The following INTS10 variants were observed in gnomAD, a reference collection of about 807,000 sequenced individuals.
INTS10 encodes chromosome 8 open reading frame 35.
In INTS10, 44 loss-of-function variants were observed where a neutral mutation model predicts 94.4. The observed-to-expected ratio is 0.47, with a 90% CI of 0.37 to 0.60. The LOEUF is 0.60. Ranked by LOEUF, INTS10 falls within the 20% of genes least tolerant of loss-of-function variation. The probability of loss-of-function intolerance (pLI) is 0.00; values close to 1 mark genes in which losing one functional copy is unlikely to be tolerated. For synonymous variants in INTS10, 341 were observed against 320.7 expected, an observed-to-expected ratio of 1.06 and a Z score of -0.68; for missense variants, 797 against 868.7, an observed-to-expected ratio of 0.92 and a Z score of 1.04.
chr8:19,817,634 C>A lies in INTS10; in HGVS notation c.97C>A (p.Arg33Ser). 1.2e-6 allele frequency: 2 copies of A among 1,607,410 alleles called. No homozygotes were observed. Among genetic ancestry groups the A allele is most frequent in the Non-Finnish European group, 8.5e-7 (1 of 1,177,694 alleles). ...AGCCAAGGCGTGGCTGATCACGGCC[C>A]GCAGCCTCTACCCGGCAGACTTTAA... is the stretch of plus-strand genomic sequence containing the variant. ...WAAKAWLITA[R>S]SLYPADFNIQ... The change falls in exon 1 of 17, where the codon CGC becomes AGC. Residue 33 changes from arginine to serine, a missense_variant. By Grantham distance (110) the Arg-to-Ser change is moderately radical (BLOSUM62 -1). Coordinates refer to ENST00000397977, the MANE Select transcript of INTS10 (RefSeq NM_018142.4).
chr8:19,823,255 G>A (rs2066528265), intron 5 of INTS10, 46 bp from the exon 6 acceptor site: 10 of 1,492,726 alleles, frequency 6.7e-6, no homozygotes, highest in South Asian at 1.2e-5. Context: ...GGAACTCTAG[G>A]GTAGACAACC....
chr8:19,845,647 C>A (rs1464407409), intron 15 of INTS10, 57 bp from the exon 16 acceptor site: 3 of 1,257,174 alleles, frequency 2.4e-6, no homozygotes, highest in Admixed American at 1.7e-5. Flanking sequence ...CCCATTTCCT[C>A]ATCAGAGAAA....
chr8:19,827,043 AAGG>A, intron 9 of INTS10, among the ~76,000 whole-genome samples: 1 of 152,284 alleles, frequency 6.6e-6, no homozygotes, highest in Admixed American at 6.5e-5. Context: ...AGATTTCATG[AAGG>A]AGGTCAACAT....
chr8:19,826,606 G>C, intron 9 of INTS10, 47 bp downstream of exon 9: 1 of 1,553,098 alleles, frequency 6.4e-7, no homozygotes, highest in Non-Finnish European at 8.7e-7. Context: ...GGGACGCTTT[G>C]CTAGAGATGA....
Position 19,830,401 on chromosome 8 carries a change from A to C in INTS10, c.1141-5A>C. 1 of 1,610,440 alleles carries C rather than the reference A, an allele frequency of 6.2e-7. No homozygotes were observed. ...TTAACCATGTTCTCCACATTCTTTA[A>C]GCAGAGTTCAGACGATGAAGACTGT... On this transcript the variant is annotated splice_polypyrimidine_tract_variant and splice_region_variant and intron_variant, in intron 9 of 16. Coordinates refer to ENST00000397977, the MANE Select transcript of INTS10 (RefSeq NM_018142.4).
Position 19,824,897 on chromosome 8 carries a change from G to A in INTS10, c.931G>A (p.Val311Met), listed in dbSNP as rs755500456. The A allele has an allele frequency of 1.2e-6, 2 of 1,613,504 alleles. No individual in the cohort carries two copies. The highest frequency in any genetic ancestry group is 2.2e-5 in the East Asian group (1 of 44,850). Residue 311 changes from valine (V) to methionine (M), a missense_variant, in exon 8 of 17, where the codon GTG becomes ATG. Physicochemically the swap from Val to Met is conservative, Grantham distance 21 (BLOSUM62 1). This residue lies in a region of INTS10 where 734 missense variants were observed against 787.8 expected (regional missense o/e 0.93). Coordinates refer to ENST00000397977, the MANE Select transcript of INTS10 (RefSeq NM_018142.4). ...EAHAKYKNQV[V>M]YSTMLVFFKN... The stretch of plus-strand genomic sequence containing the variant: ...ACATGCAAAATATAAAAACCAAGTG[G>A]TGTATTCCACCATGCTGGTCTTCTT...
At chr8:19,827,266 C>T (rs1378103066) in intron 9 of INTS10, among the ~76,000 whole-genome samples, 1 of 152,150 alleles carries the variant, frequency 6.6e-6, no homozygotes, top group African/African-American at 2.4e-5. Context: ...AGTGCTTTTC[C>T]CTTGGATCTC....
At chr8:19,850,929 CCT>C (rs1431688009) in intron 16 of INTS10, among the ~76,000 whole-genome samples, 1 of 152,162 alleles carries the variant, frequency 6.6e-6, no homozygotes, top group African/African-American at 2.4e-5. Context: ...GCAGGTCTCC[CCT>C]GAGTGCCCAG....
chr8:19,820,121 G>A (rs2066255249), intron 3 of INTS10, among the ~76,000 whole-genome samples: 1 of 152,206 alleles, frequency 6.6e-6, no homozygotes, highest in African/African-American at 2.4e-5. Context: ...CCTGCAACAG[G>A]CATTCTTGTG....
chr8:19,841,943 T>C, intron 13 of INTS10: 2 of 422,124 alleles, frequency 4.7e-6, no homozygotes, highest in South Asian at 3.5e-5. Context: ...TTGTTTTGGA[T>C]CTATCACATT....
intron 13 of INTS10, chr8:19,841,694 T>C (rs181932131): frequency 4.5e-4 from 182 of 403,882 alleles, no homozygotes; most frequent in Admixed American, 1.0e-3. Flanking sequence ...GTGTATAAAG[T>C]CATGCAACCA....
intron 16 of INTS10, among the ~76,000 whole-genome samples, chr8:19,847,539 G>GA: frequency 6.6e-6 from 1 of 152,270 alleles, no homozygotes; most frequent in Middle Eastern, 3.4e-3. Context: ...GTCACTATAC[G>GA]AGTTAATATA....
Position 19,819,742 on chromosome 8 carries a change from C to CA in INTS10, c.301+72dup, listed in dbSNP as rs1264362859. The CA allele has an allele frequency of 1.1e-5, 14 of 1,225,582 alleles. No homozygotes were observed. The South Asian group carries it at 1.4e-4, about 12-fold the overall frequency. 75.9% of individuals were successfully genotyped at this position (1,225,582 alleles called of 1,614,324 possible). ...AAATCATATATAGTAATTTCACACA[C>CA]AAAAAAGTCACACCTGGGGTATTGG... is the stretch of plus-strand genomic sequence containing the variant. On this transcript the variant is annotated intron_variant, in intron 3 of 16. Transcript: ENST00000397977.
chr8:19,826,407 TG>T lies in INTS10; in HGVS notation c.1007-18del. ...TCCTTGCTGCACTGGTAAGTGTTGG[TG>T]TTTTTCCCCGTCCTTAGGTCCTAAT... On this transcript the variant is annotated intron_variant, in intron 8 of 16. Coordinates refer to ENST00000397977, the MANE Select transcript of INTS10 (RefSeq NM_018142.4). The T allele has an allele frequency of 6.2e-7, 1 of 1,601,046 alleles. No individual in the cohort carries two copies. Among genetic ancestry groups the T allele is most frequent in the Non-Finnish European group, 8.5e-7 (1 of 1,174,980 alleles).
rs746317322 is a variant in INTS10, at chr8:19,830,570, G to A, written c.1294+11G>A. On this transcript the variant is annotated intron_variant, in intron 10 of 16. Coordinates refer to ENST00000397977, the MANE Select transcript of INTS10 (RefSeq NM_018142.4). ...AATTCCTTGACAAAGGTAAGAAAGC[G>A]CATGTCATTGGTGCTGTTTGATGTT... The A allele has an allele frequency of 2.9e-5, 47 of 1,607,086 alleles. No individual in the cohort carries two copies. The highest frequency in any genetic ancestry group is 3.3e-4 in the Middle Eastern group (2 of 6,040).
At position 19,842,892 on chromosome 8, in the gene INTS10, C is replaced by G; in HGVS notation, c.1684C>G (p.Pro562Ala). The stretch of plus-strand genomic sequence containing the variant: ...GCCTTGTACCAGCAAGGCTATCATG[C>G]CATACTGCCTCCATTTAATGTTAGC... ...LLPCTSKAIM[P>A]YCLHLMLACF... Residue 562 changes from proline to alanine, a missense_variant, in exon 14 of 17, where the codon CCA becomes GCA. Around this residue, in one of 3 missense-constraint regions of INTS10, gnomAD observed 734 missense variants for 787.8 expected, o/e 0.93. Transcript: ENST00000397977. 3.7e-6 allele frequency: 6 copies of G among 1,612,096 alleles called. No homozygotes were observed. The highest frequency in any genetic ancestry group is 5.1e-6 in the Non-Finnish European group (6 of 1,178,438).
intron 9 of INTS10, 113 bp downstream of exon 9, chr8:19,826,672 G>T: frequency 3.2e-6 from 3 of 951,354 alleles, no homozygotes; most frequent in Non-Finnish European, 4.6e-6. Context: ...TTTTAAAATT[G>T]TATGATATAT....
In INTS10 at chr8:19,830,661, A is replaced by G. The variant is rs537188720; in HGVS notation, c.1294+102A>G. 8 of 1,080,202 alleles carry G rather than the reference A, an allele frequency of 7.4e-6. No homozygotes were observed. The African/African-American group carries it at 1.1e-4, about 15-fold the overall frequency. The allele number at this position is 1,080,202 out of a possible 1,614,324, so 66.9% of individuals were successfully genotyped here. A position where few individuals can be genotyped will look rare whatever the true frequency, so the allele number is the denominator to read the frequency against. ...TACGGCAAATTAAGTTGATTACAGT[A>G]GTTCATGCATTTTTTTTTTCTTGTT... On this transcript the variant is annotated intron_variant, in intron 10 of 16. Coordinates refer to ENST00000397977, the MANE Select transcript of INTS10 (RefSeq NM_018142.4).
chr8:19,835,260 T>C (rs1296036520), intron 12 of INTS10, among the ~76,000 whole-genome samples: 1 of 152,176 alleles, frequency 6.6e-6, no homozygotes, highest in Non-Finnish European at 1.5e-5. Context: ...TCCAACCCTA[T>C]AAAATTATAA....
Sources: allele counts gnomAD v4.1 joint callset (sites outside exome capture counted in the v4.1 genomes callset), GRCh38; gene constraint gnomAD v4.1.1; regional missense constraint gnomAD v4.1.1; transcripts MANE v1.5; gene names NCBI Gene and HGNC (gene_info 2026-07-23, HGNC 2026-07-21).